Variants in AK7 observed in about 807,000 individuals in gnomAD.
AK7 encodes the protein adenylate kinase 7.
AK7 carries 78 observed loss-of-function variants against 96.6 expected under a neutral mutation model. The ratio of observed to expected loss-of-function variants is 0.81; its 90% CI spans 0.67 to 0.97. AK7 has a LOEUF of 0.97. Among genes scored for constraint, AK7 ranks in the 50% least tolerant of loss-of-function variants. AK7 has a pLI of 0.00. For synonymous variants in AK7, 302 were observed against 317.2 expected, an observed-to-expected ratio of 0.95 and a Z score of 0.51; for missense variants, 855 against 887.9, an observed-to-expected ratio of 0.96 and a Z score of 0.47.
In AK7 at chr14:96,412,988, T is replaced by C. The variant is rs1595381665; in HGVS notation, c.498+4047T>C. On this transcript the variant is annotated intron_variant, in intron 4 of 17. Transcript: ENST00000267584. ...TTATAAAAGATAAGCTCTGTCACTA[T>C]GAAAAATGTCCCAACAGCAGCCCTT... Among the ~76,000 whole-genome samples the C allele has an allele frequency of 2.6e-5, 4 of 152,346 alleles. No individual in the cohort carries two copies. In the South Asian group the frequency reaches 8.3e-4, roughly 32 times the overall value.
rs1458560878 is a variant in AK7, at chr14:96,483,068, C to A, written c.1823C>A (p.Pro608His). The A allele has an allele frequency of 1.2e-6, 2 of 1,614,006 alleles. No homozygotes were observed. The highest frequency in any genetic ancestry group is 2.7e-5 in the African/African-American group (2 of 74,894). ...IKQLIKEIGEPRNYGLTDEEK... is the reference protein window; with the variant it reads ...IKQLIKEIGEHRNYGLTDEEK... ...CAGCTCATCAAAGAGATTGGGGAGC[C>A]TCGAAATTATGGTTTAACAGACGAA... Residue 608 changes from proline to histidine, a missense_variant, in exon 16 of 18, where the codon CCT becomes CAT. Coordinates refer to ENST00000267584, the MANE Select transcript of AK7 (RefSeq NM_152327.5).
intron 5 of AK7, among the ~76,000 whole-genome samples, chr14:96,436,777 C>G (rs533608784): frequency 6.6e-5 from 10 of 152,190 alleles, no homozygotes; most frequent in Admixed American, 2.6e-4. Context: ...TTGGCCCCTC[C>G]TCCTTCCCTT....
At chr14:96,445,859 C>G (rs1893204184) in intron 7 of AK7, among the ~76,000 whole-genome samples, 1 of 152,060 alleles carries the variant, frequency 6.6e-6, no homozygotes, top group Non-Finnish European at 1.5e-5. Flanking sequence ...AATTTTTGTT[C>G]CAATCCCTGC....
At chr14:96,479,464 T>C (rs377714919) in intron 15 of AK7, among the ~76,000 whole-genome samples, 1 of 151,770 alleles carries the variant, frequency 6.6e-6, no homozygotes, top group Admixed American at 6.6e-5. Flanking sequence ...GGGAGCAGTG[T>C]TCTGTCCCTG....
chr14:96,393,882 G>A (rs1395439434), intron 1 of AK7, among the ~76,000 whole-genome samples: 1 of 152,240 alleles, frequency 6.6e-6, no homozygotes, highest in Non-Finnish European at 1.5e-5. Flanking sequence ...GCCGAGGTGG[G>A]TGGATCACCT....
chr14:96,463,502 G>C (rs983794081), intron 12 of AK7, among the ~76,000 whole-genome samples: 1 of 151,712 alleles, frequency 6.6e-6, no homozygotes, highest in East Asian at 1.9e-4. Context: ...GGCGGATCAC[G>C]AGGTCAGGAG....
chr14:96,487,219 CAA>C (rs755105036), intron 17 of AK7, among the ~76,000 whole-genome samples, 163 bp downstream of exon 17: 5 of 109,376 alleles, frequency 4.6e-5, no homozygotes, highest in Admixed American at 9.4e-5. Context: ...ACTAAAAATA[CAA>C]AAAAAAAAAA....
chr14:96,406,008 G>A (rs182519995), intron 3 of AK7, among the ~76,000 whole-genome samples: 1 of 151,326 alleles, frequency 6.6e-6, no homozygotes, highest in East Asian at 1.9e-4. Flanking sequence ...ATGAAGTGCT[G>A]TTTAGTAAGA....
At chr14:96,472,098 C>T (rs1441748951) in intron 13 of AK7, among the ~76,000 whole-genome samples, 1 of 152,138 alleles carries the variant, frequency 6.6e-6, no homozygotes, top group Non-Finnish European at 1.5e-5. Flanking sequence ...TAGCATTTGT[C>T]TTTCTGTCAC....
intron 16 of AK7, among the ~76,000 whole-genome samples, chr14:96,486,125 T>A (rs1161742812): frequency 6.6e-6 from 1 of 152,146 alleles, no homozygotes; most frequent in African/African-American, 2.4e-5. Flanking sequence ...AAAAGCAAAC[T>A]CAAAATGACT....
chr14:96,414,646 G>A (rs1891219578), intron 4 of AK7, among the ~76,000 whole-genome samples: 2 of 152,138 alleles, frequency 1.3e-5, no homozygotes, highest in South Asian at 4.1e-4. Context: ...GCCTGGGGAA[G>A]GTGTGGTAGG....
intron 4 of AK7, among the ~76,000 whole-genome samples, chr14:96,409,552 A>G (rs532411425): frequency 1.3e-5 from 2 of 152,360 alleles, no homozygotes; most frequent in East Asian, 3.9e-4. Context: ...AGCCTGGGCA[A>G]CAGAGTGAGA....
chr14:96,418,322 TAAAA>T, intron 4 of AK7, among the ~76,000 whole-genome samples: 1 of 41,824 alleles, frequency 2.4e-5, no homozygotes, highest in East Asian at 2.4e-3. Flanking sequence ...AGACCTTGTC[TAAAA>T]AAAAAAAAAA....
At chr14:96,460,235 A>G (rs1444662416) in intron 12 of AK7, among the ~76,000 whole-genome samples, 1 of 152,238 alleles carries the variant, frequency 6.6e-6, no homozygotes, top group African/African-American at 2.4e-5. Flanking sequence ...TTAGAAAAAT[A>G]AAGCCATTTC....
chr14:96,471,480 C>G lies in AK7; in HGVS notation c.1360C>G (p.Gln454Glu), dbSNP rs1292336432. ...ATACATATATGTTTTTTTATCAGGT[C>G]AACTAGACGATCAATATATAATTAG... is the stretch of plus-strand genomic sequence containing the variant. The part of the protein sequence containing the change: ...IKESMEQNAG[Q>E]LDDQYIIRFM... The change falls in exon 13 of 18, where the codon CAA becomes GAA. Residue 454 changes from glutamine (Q) to glutamate (E), a missense_variant and splice_region_variant. Physicochemically the swap from Gln to Glu is conservative, Grantham distance 29. Coordinates refer to ENST00000267584, the MANE Select transcript of AK7 (RefSeq NM_152327.5). 1.4e-6 allele frequency: 2 copies of G among 1,427,426 alleles called. No individual in the cohort carries two copies. Among genetic ancestry groups the G allele is most frequent in the Non-Finnish European group, 1.9e-6 (2 of 1,038,064 alleles). 88.4% of individuals were successfully genotyped at this position (1,427,426 alleles called of 1,614,324 possible).
chr14:96,392,142 C>G lies in AK7; in HGVS notation c.-13C>G, dbSNP rs368458386. 6.2e-7 allele frequency: 1 copy of G among 1,604,770 alleles called. No homozygotes were observed. The highest frequency in any genetic ancestry group is 8.5e-7 in the Non-Finnish European group (1 of 1,172,008). ...GTGGCGCTTTCACCTTAGCAACCAG[C>G]GCGGCTCCCACCATGGCTGAAGAAG... On this transcript the variant is annotated 5_prime_UTR_variant, in exon 1 of 18. Transcript: ENST00000267584.
At chr14:96,462,994 G>A (rs528196633) in intron 12 of AK7, among the ~76,000 whole-genome samples, 5 of 152,108 alleles carry the variant, frequency 3.3e-5, no homozygotes, top group South Asian at 2.1e-4. Context: ...AAAATTAGCC[G>A]GGTGTGGTGG....
At chr14:96,481,839 GA>G (rs1895522420) in intron 15 of AK7, among the ~76,000 whole-genome samples, 1 of 151,662 alleles carries the variant, frequency 6.6e-6, no homozygotes, top group Non-Finnish European at 1.5e-5. Context: ...CAAGTAGCTG[GA>G]ACTACAGGTG....
intron 10 of AK7, among the ~76,000 whole-genome samples, chr14:96,454,090 G>C (rs1893755936): frequency 6.6e-6 from 1 of 152,178 alleles, no homozygotes; most frequent in Non-Finnish European, 1.5e-5. Flanking sequence ...TATCCGATGG[G>C]ACAGCGCTGC....
Sources: gnomAD v4.1 joint callset for allele counts (sites outside exome capture counted in the v4.1 genomes callset) on GRCh38, gnomAD v4.1.1 for gene constraint, MANE v1.5 for transcripts, NCBI Gene and HGNC (gene_info 2026-07-23, HGNC 2026-07-21) for gene names.